PCDHGB6: variants seen among roughly 807,000 people sequenced by gnomAD.
The protein encoded by PCDHGB6 is protocadherin gamma-B6.
A neutral mutation model predicts 59.1 loss-of-function variants in PCDHGB6; 51 were observed. That is an observed-to-expected ratio of 0.86 (90% CI 0.69 to 1.09). The LOEUF (loss-of-function observed/expected upper bound fraction) is 1.09. PCDHGB6 is among the 50% of genes least tolerant of loss of function. The pLI, the probability that PCDHGB6 is intolerant of heterozygous loss-of-function variation, is 0.00. For synonymous variants in PCDHGB6, 466 were observed against 495.1 expected (o/e 0.94, Z 0.78); for missense variants, 1,148 against 1,205.1 (o/e 0.95, Z 0.70).
At chr5:141,503,005 G>A (rs915064303) in intron 2 of PCDHGB6, among the ~76,000 whole-genome samples, 16 of 145,340 alleles carry the variant, frequency 1.1e-4, no homozygotes, top group African/African-American at 2.3e-4. Flanking sequence ...CACCATGCCC[G>A]GTTAATTTTT....
intron 1 of PCDHGB6, among the ~76,000 whole-genome samples, chr5:141,430,329 T>G (rs1466381565): frequency 1.3e-5 from 2 of 151,776 alleles, no homozygotes; most frequent in Non-Finnish European, 2.9e-5. Flanking sequence ...AATCATTGTT[T>G]ATAGAAACTT....
intron 1 of PCDHGB6, among the ~76,000 whole-genome samples, chr5:141,480,408 C>A (rs371569489): frequency 7.2e-6 from 1 of 138,932 alleles, no homozygotes; most frequent in African/African-American, 2.9e-5. Flanking sequence ...GAGTGAGACC[C>A]TGTCTCAAAA....
chr5:141,471,394 G>A (rs1349459242), intron 1 of PCDHGB6: 1 of 152,056 alleles, frequency 6.6e-6, no homozygotes, highest in Non-Finnish European at 1.5e-5. Context: ...TACAAGTTAC[G>A]TAGCTAGGCT....
At chr5:141,429,912 A>G (rs1341795921) in intron 1 of PCDHGB6, among the ~76,000 whole-genome samples, 2 of 152,234 alleles carry the variant, frequency 1.3e-5, no homozygotes, top group Admixed American at 1.3e-4. Flanking sequence ...TTGAAATATA[A>G]TGTATTAATA....
chr5:141,428,646 C>T (rs542682298), intron 1 of PCDHGB6: 7 of 170,630 alleles, frequency 4.1e-5, no homozygotes, highest in South Asian at 3.0e-4. Flanking sequence ...CTCCTACTCA[C>T]GTGAGTTCCA....
At chr5:141,461,821 T>A (rs569091880) in intron 1 of PCDHGB6, among the ~76,000 whole-genome samples, 1 of 151,286 alleles carries the variant, frequency 6.6e-6, no homozygotes, top group South Asian at 2.1e-4. Context: ...ACCCAGCTAA[T>A]TTTTTTTTCT....
At chr5:141,504,528 C>T (rs750099460) in intron 2 of PCDHGB6, among the ~76,000 whole-genome samples, 2 of 151,854 alleles carry the variant, frequency 1.3e-5, no homozygotes, top group Non-Finnish European at 2.9e-5. Flanking sequence ...ATATTTTATT[C>T]GTGTCATCAT....
chr5:141,426,711 G>C, intron 1 of PCDHGB6: 1 of 444,496 alleles, frequency 2.2e-6, no homozygotes, highest in Non-Finnish European at 4.6e-6. Flanking sequence ...ACAAATCAAT[G>C]AACTAGCAAT....
intron 1 of PCDHGB6, among the ~76,000 whole-genome samples, chr5:141,436,424 T>C (rs2154557109): frequency 6.6e-6 from 1 of 152,322 alleles, no homozygotes; most frequent in Middle Eastern, 3.4e-3. Context: ...AAACAAATAA[T>C]GTACTCTGGG....
intron 1 of PCDHGB6, among the ~76,000 whole-genome samples, chr5:141,425,338 G>A (rs561085111): frequency 6.6e-6 from 1 of 152,290 alleles, no homozygotes; most frequent in African/African-American, 2.4e-5. Flanking sequence ...AAAAGGAAGG[G>A]TTGGCTTTGA....
In PCDHGB6 at chr5:141,408,916, C is replaced by T. The variant is rs1379557230; in HGVS notation, c.714C>T (p.Asn238=). ...IEISVKDTND[N]PPVFSRDEYR... is the part of the protein sequence containing the mutation. ...TTTCTGTCAAGGATACCAATGATAA[C>T]CCCCCGGTTTTCAGCAGAGACGAAT... Residue 238 remains asparagine, a synonymous_variant, in exon 1 of 4, where the codon AAC becomes AAT. Coordinates refer to ENST00000520790, the MANE Select transcript of PCDHGB6 (RefSeq NM_018926.3). 6.8e-6 allele frequency: 11 copies of T among 1,613,024 alleles called. No individual in the cohort carries two copies. The highest frequency in any genetic ancestry group is 2.7e-5 in the African/African-American group (2 of 74,782).
Position 141,411,472 on chromosome 5 carries a change from T to G in PCDHGB6, c.2418+852T>G, listed in dbSNP as rs546914871. ...GGTAGCATTCCCCTGTGGTCCCAGC[T>G]ACTTGGGAGGCTGAGCTGGGTGGAT... On this transcript the variant is annotated intron_variant, in intron 1 of 3. Coordinates refer to ENST00000520790, the MANE Select transcript of PCDHGB6 (RefSeq NM_018926.3). 2.6e-5 allele frequency: 4 copies of G among 151,948 alleles called. 1 individual carries two copies. The South Asian group carries it at 8.3e-4, about 32-fold the overall frequency. The allele number at this position is 151,948 out of a possible 1,614,324, so 9.4% of individuals were successfully genotyped here.
chr5:141,441,725 C>A, intron 1 of PCDHGB6: 1 of 352,450 alleles, frequency 2.8e-6, no homozygotes. Flanking sequence ...AGGCCCGCGA[C>A]CAGGACTAGC....
chr5:141,462,486 G>A (rs62379193), intron 1 of PCDHGB6, among the ~76,000 whole-genome samples: 5,124 of 152,042 alleles, frequency 0.034, 100 homozygotes, highest in Middle Eastern at 0.088. Flanking sequence ...CGTGGTTGTT[G>A]TATCCTATAA....
rs1394484191 is a variant in PCDHGB6 at position 141,486,006 on chromosome 5, C to T, written c.2419-8801C>T. The T allele has an allele frequency of 6.2e-7, 1 of 1,614,190 alleles. No individual in the cohort carries two copies. Among genetic ancestry groups the T allele is most frequent in the Non-Finnish European group, 8.5e-7 (1 of 1,180,026 alleles). Reference sequence around the variant, plus strand: ...GACCTGGGTCCCAGTGGTAACGTCACCTTTTATTTCAGTGGTCATACCCCT... The same window carrying T: ...GACCTGGGTCCCAGTGGTAACGTCATCTTTTATTTCAGTGGTCATACCCCT... On this transcript the variant is annotated intron_variant, in intron 1 of 3. Coordinates refer to ENST00000520790, the MANE Select transcript of PCDHGB6 (RefSeq NM_018926.3). This position sits in a 1 kb window ranked among gnomAD's most constrained non-coding sequence, Gnocchi z 5.0.
At chr5:141,453,922 T>C (rs2098777315) in intron 1 of PCDHGB6, among the ~76,000 whole-genome samples, 1 of 152,230 alleles carries the variant, frequency 6.6e-6, no homozygotes, top group African/African-American at 2.4e-5. Context: ...CAGTGATCAG[T>C]CACTGTGTGC....
intron 1 of PCDHGB6, chr5:141,417,768 C>T: frequency 6.9e-7 from 1 of 1,451,358 alleles, no homozygotes; most frequent in Non-Finnish European, 9.1e-7. Context: ...ACCCGGGACT[C>T]CTCCTGTCCT....
chr5:141,485,033 T>C lies in PCDHGB6; in HGVS notation c.2419-9774T>C. 1 of 689,352 alleles carries C rather than the reference T, an allele frequency of 1.5e-6. No homozygotes were observed. The highest frequency in any genetic ancestry group is 2.5e-6 in the Non-Finnish European group (1 of 392,590). The allele number at this position is 689,352 out of a possible 1,614,324, so 42.7% of individuals were successfully genotyped here. On this transcript the variant is annotated intron_variant, in intron 1 of 3. Coordinates refer to ENST00000520790, the MANE Select transcript of PCDHGB6 (RefSeq NM_018926.3). This position sits in a 1 kb window ranked among gnomAD's most constrained non-coding sequence, Gnocchi z 5.7. ...CCCCGCCACCAGCAAAAACGGCGCG[T>C]AACCCTTGCGGCGCCGGCCGAACCG...
In PCDHGB6 at chr5:141,409,798, G is replaced by T. The variant is rs2095317053; in HGVS notation, c.1596G>T (p.Leu532=). The T allele has an allele frequency of 6.2e-7, 1 of 1,611,672 alleles. No homozygotes were observed. The highest frequency in any genetic ancestry group is 1.1e-5 in the South Asian group (1 of 90,900). The stretch of plus-strand genomic sequence containing the variant: ...AGCTGCGCGCCTTCGCGCTCACGCT[G>T]CAGGCCCGCGACCACGGCTCGCCCA... ...HEQLRAFALT[L]QARDHGSPTL... is the part of the protein sequence containing the mutation. The change falls in exon 1 of 4, where the codon CTG becomes CTT. Residue 532 remains leucine (L), a synonymous_variant. Transcript: ENST00000520790.
Sources: gnomAD v4.1 joint callset for allele counts (sites outside exome capture counted in the v4.1 genomes callset) on GRCh38, gnomAD v4.1.1 for gene constraint, Gnocchi (gnomAD v3.1) non-coding constraint, MANE v1.5 for transcripts, NCBI Gene and HGNC (gene_info 2026-07-23, HGNC 2026-07-21) for gene names.